THRB: variants seen among roughly 807,000 people sequenced by gnomAD.
THRB encodes the protein nuclear receptor subfamily 1 group A member 2.
Under a neutral mutation model 47.8 loss-of-function variants are expected in THRB, and 12 were observed. The observed-to-expected ratio is 0.25, with a 90% confidence interval of 0.16 to 0.41. The LOEUF (loss-of-function observed/expected upper bound fraction) is 0.41, where lower values mean the gene tolerates loss of function less well. THRB is among the 10% of genes least tolerant of loss of function. The pLI is 1.00. For missense variants in THRB, 348 were observed against 589.2 expected, an observed-to-expected ratio of 0.59 and a Z score of 4.24; for synonymous variants, 218 against 212.2, an observed-to-expected ratio of 1.03 and a Z score of -0.24.
chr3:24,233,466 G>T (rs2048447832), intron 3 of THRB, among the ~76,000 whole-genome samples: 1 of 139,194 alleles, frequency 7.2e-6, no homozygotes, highest in Non-Finnish European at 1.6e-5. Context: ...CAAAAAAAAG[G>T]AAAGAAAGAA....
chr3:24,427,629 T>C (rs1474948649), intron 1 of THRB, among the ~76,000 whole-genome samples: 1 of 152,068 alleles, frequency 6.6e-6, no homozygotes, highest in Non-Finnish European at 1.5e-5. Context: ...ATTTAGAGAT[T>C]ATTACACACA....
intron 5 of THRB, among the ~76,000 whole-genome samples, chr3:24,177,741 A>G (rs1021203197): frequency 2.0e-5 from 3 of 152,232 alleles, no homozygotes; most frequent in Admixed American, 6.5e-5. Flanking sequence ...CTTGAGATCC[A>G]AATCCAGAAA....
chr3:24,307,542 A>G (rs1323228325), intron 2 of THRB, among the ~76,000 whole-genome samples: 1 of 152,174 alleles, frequency 6.6e-6, no homozygotes, highest in Non-Finnish European at 1.5e-5. Flanking sequence ...AACATTAAAT[A>G]TTTAACATTC....
chr3:24,432,458 G>T (rs1161246817), intron 1 of THRB, among the ~76,000 whole-genome samples: 2 of 152,032 alleles, frequency 1.3e-5, no homozygotes, highest in African/African-American at 2.4e-5. Flanking sequence ...GTTAAGAGAG[G>T]GGAACCTCTC....
chr3:24,322,599 C>T (rs773040352), intron 2 of THRB, among the ~76,000 whole-genome samples: 5 of 152,206 alleles, frequency 3.3e-5, no homozygotes, highest in African/African-American at 4.8e-5. Flanking sequence ...TGGGGCATCA[C>T]AATCTCTCTT....
chr3:24,260,049 C>G (rs1286242960), intron 3 of THRB, among the ~76,000 whole-genome samples: 1 of 152,172 alleles, frequency 6.6e-6, no homozygotes, highest in Non-Finnish European at 1.5e-5. Flanking sequence ...TCAGCTGTCA[C>G]TCCCTTATCA....
intron 2 of THRB, among the ~76,000 whole-genome samples, chr3:24,330,520 C>T (rs1418034794): frequency 6.6e-6 from 1 of 152,220 alleles, no homozygotes; most frequent in Non-Finnish European, 1.5e-5. Context: ...CAGCAAAACA[C>T]TACCAACCCA....
At chr3:24,328,350 A>C (rs184601352) in intron 2 of THRB, among the ~76,000 whole-genome samples, 1 of 152,306 alleles carries the variant, frequency 6.6e-6, no homozygotes, top group East Asian at 1.9e-4. Context: ...TAATATCTAG[A>C]TATTATCCAA....
At chr3:24,365,953 A>C (rs978126267) in intron 1 of THRB, among the ~76,000 whole-genome samples, 4 of 152,196 alleles carry the variant, frequency 2.6e-5, no homozygotes, top group Admixed American at 2.0e-4. Context: ...ACTTAAGAGG[A>C]GGAAATAAGA....
Position 24,231,144 on chromosome 3 carries a change from A to G in THRB, c.-42-2143T>C, listed in dbSNP as rs374468010. On this transcript the variant is annotated intron_variant, in intron 3 of 10. Transcript: ENST00000646209. ...ACCCTTTTTACAATAAGCTGGTTTG[A>G]CTTAGGTTTCTGTCACTTGCAACCA... is the stretch of plus-strand genomic sequence containing the variant. Among the ~76,000 whole-genome samples, 67 of 152,284 alleles carry G rather than the reference A, an allele frequency of 4.4e-4. 2 individuals are homozygous for G. In the South Asian group the frequency reaches 6.0e-3, roughly 14 times the overall value.
intron 1 of THRB, among the ~76,000 whole-genome samples, chr3:24,469,091 AT>A: frequency 6.6e-6 from 1 of 152,162 alleles, no homozygotes; most frequent in Non-Finnish European, 1.5e-5. Context: ...TTCAAAACAA[AT>A]TAAGCATCAC....
chr3:24,286,077 T>C (rs776582158), intron 3 of THRB, among the ~76,000 whole-genome samples: 7 of 152,182 alleles, frequency 4.6e-5, no homozygotes, highest in African/African-American at 9.7e-5. Context: ...TGTGAAGGCA[T>C]AAAGAGAAGA....
chr3:24,451,234 T>TC (rs2072620284), intron 1 of THRB, among the ~76,000 whole-genome samples: 1 of 145,210 alleles, frequency 6.9e-6, no homozygotes, highest in African/African-American at 2.6e-5. Context: ...ATGTACTTTT[T>TC]TTTTTTTTTT....
intron 1 of THRB, among the ~76,000 whole-genome samples, chr3:24,437,305 T>C (rs2071069770): frequency 6.6e-6 from 1 of 151,940 alleles, no homozygotes; most frequent in African/African-American, 2.4e-5. Context: ...ATATTGCATG[T>C]TCTCACTCAT....
chr3:24,341,388 A>G lies in THRB; in HGVS notation c.-260-4017T>C, dbSNP rs371654126. On this transcript the variant is annotated intron_variant, in intron 1 of 10. Coordinates refer to ENST00000646209, the MANE Select transcript of THRB (RefSeq NM_001354712.2). Reference sequence around the variant, plus strand: ...TGGGATGACAGGCGTGTACCACCACACTCAGCTAATTTTTATATTTTTGTA... The same window carrying G: ...TGGGATGACAGGCGTGTACCACCACGCTCAGCTAATTTTTATATTTTTGTA... 3.3e-5 allele frequency among the ~76,000 whole-genome samples: 5 copies of G among 151,506 alleles called. No homozygotes were observed. The East Asian group carries it at 7.8e-4, about 24-fold the overall frequency.
intron 2 of THRB, among the ~76,000 whole-genome samples, chr3:24,332,238 G>T (rs1339896860): frequency 6.6e-6 from 1 of 152,156 alleles, no homozygotes; most frequent in Non-Finnish European, 1.5e-5. Context: ...ATGAAGGCTA[G>T]CACCCCAGCA....
At chr3:24,124,523 C>A (rs147361249) in intron 10 of THRB, among the ~76,000 whole-genome samples, 1 of 152,112 alleles carries the variant, frequency 6.6e-6, no homozygotes, top group Non-Finnish European at 1.5e-5. Flanking sequence ...GAGATGGCCA[C>A]GTAAATGACA....
At chr3:24,354,199 G>T (rs1472448715) in intron 1 of THRB, among the ~76,000 whole-genome samples, 1 of 152,106 alleles carries the variant, frequency 6.6e-6, no homozygotes, top group Non-Finnish European at 1.5e-5. Flanking sequence ...ACATAAAGGG[G>T]AGCAACACAC....
chr3:24,136,915 T>C (rs2034752196), intron 8 of THRB, among the ~76,000 whole-genome samples: 3 of 152,230 alleles, frequency 2.0e-5, no homozygotes, highest in Non-Finnish European at 2.9e-5. Flanking sequence ...ACTTTTGCTT[T>C]CTCCAAAGCC....
Sources: gnomAD v4.1 joint callset for allele counts (sites outside exome capture counted in the v4.1 genomes callset) on GRCh38, gnomAD v4.1.1 for gene constraint, MANE v1.5 for transcripts, NCBI Gene and HGNC (gene_info 2026-07-23, HGNC 2026-07-21) for gene names.